Variants in CLASP2 observed in about 807,000 individuals in gnomAD.
CLASP2 encodes the protein cytoplasmic linker associated protein 2, also known as CLIP-associating protein 2.
Under a neutral mutation model 194.4 loss-of-function variants are expected in CLASP2, and 47 were observed. That is an observed-to-expected ratio of 0.24 (90% confidence interval 0.19 to 0.31). CLASP2 has a LOEUF of 0.31. Ranked by LOEUF, CLASP2 falls within the 10% of genes least tolerant of loss-of-function variation. CLASP2 has a pLI of 1.00. For synonymous variants in CLASP2, 619 were observed against 633.5 expected, an observed-to-expected ratio of 0.98 and a Z score of 0.34; for missense variants, 1,445 against 1,823.6, an observed-to-expected ratio of 0.79 and a Z score of 3.78.
intron 18 of CLASP2, among the ~76,000 whole-genome samples, chr3:33,601,299 C>T (rs904974254): frequency 6.6e-6 from 1 of 152,110 alleles, no homozygotes; most frequent in African/African-American, 2.4e-5. Flanking sequence ...ACAGTGGGCA[C>T]TACCCTTAAC....
intron 6 of CLASP2, among the ~76,000 whole-genome samples, chr3:33,679,958 T>A (rs2089507653): frequency 6.6e-6 from 1 of 152,186 alleles, no homozygotes; most frequent in Non-Finnish European, 1.5e-5. Context: ...TTGTTCATAA[T>A]TGCCAAAACT....
intron 21 of CLASP2, among the ~76,000 whole-genome samples, chr3:33,590,476 G>C (rs1408609589): frequency 6.6e-6 from 1 of 152,092 alleles, no homozygotes; most frequent in African/African-American, 2.4e-5. Context: ...GGTCTGGGCA[G>C]CACATATGGA....
chr3:33,557,279 C>T (rs1272204663), intron 29 of CLASP2, among the ~76,000 whole-genome samples: 1 of 152,154 alleles, frequency 6.6e-6, no homozygotes, highest in East Asian at 1.9e-4. Context: ...CAGCCTCACC[C>T]TTACTTCTTA....
intron 8 of CLASP2, 63 bp downstream of exon 8, chr3:33,644,694 G>A (rs1575195059): frequency 6.4e-7 from 1 of 1,560,196 alleles, no homozygotes; most frequent in Non-Finnish European, 8.8e-7. Context: ...GAAGTTCCAA[G>A]TATGTGTGGC....
chr3:33,539,346 T>A (rs1033618413), intron 32 of CLASP2, among the ~76,000 whole-genome samples: 13 of 152,202 alleles, frequency 8.5e-5, no homozygotes, highest in African/African-American at 3.1e-4. Flanking sequence ...TTTTTCTTTT[T>A]TTTTGGAGAC....
intron 1 of CLASP2, among the ~76,000 whole-genome samples, chr3:33,712,355 G>T (rs1048687832): frequency 3.3e-5 from 5 of 152,110 alleles, no homozygotes; most frequent in Admixed American, 2.6e-4. Context: ...GATTCAAGGG[G>T]AAGGTTGGGA....
intron 1 of CLASP2, among the ~76,000 whole-genome samples, chr3:33,708,506 G>GTATGTATA (rs2092819546): frequency 1.7e-5 from 1 of 58,520 alleles, no homozygotes; most frequent in Admixed American, 2.4e-4. Context: ...ATATATATAT[G>GTATGTATA]TATATATATG....
In CLASP2 at chr3:33,578,502, T is replaced by C. The variant is rs1010004790; in HGVS notation, c.2348-2227A>G. On this transcript the variant is annotated intron_variant, in intron 23 of 38. Coordinates refer to ENST00000682230, the MANE Select transcript of CLASP2 (RefSeq NM_001365631.1). ...TAGAGCAGTTAAAATACTTTTAACATGAGTCACTCTTTTGTTTGCTACAGG... is the reference window on the plus strand; with the variant it reads ...TAGAGCAGTTAAAATACTTTTAACACGAGTCACTCTTTTGTTTGCTACAGG... 2.2e-4 allele frequency among the ~76,000 whole-genome samples: 33 copies of C among 152,208 alleles called. 1 individual carries two copies. Among genetic ancestry groups the C allele is most frequent in the African/African-American group, 7.5e-4 (31 of 41,466 alleles).
chr3:33,530,600 C>T (rs2056050653), intron 34 of CLASP2, among the ~76,000 whole-genome samples: 2 of 152,084 alleles, frequency 1.3e-5, no homozygotes, highest in South Asian at 4.1e-4. Context: ...TTGTTTACAC[C>T]AGCATTATCA....
rs748204669 is a variant in CLASP2 at position 33,535,305 on chromosome 3, T to C, written c.3715A>G (p.Ser1239Gly). Residue 1239 changes from serine (S) to glycine (G), a missense_variant, in exon 34 of 39, where the codon AGC (serine) becomes GGC (glycine). Physicochemically the swap from Ser to Gly is moderately conservative, Grantham distance 56. Transcript: ENST00000682230. ...GCAGACTTGTTGAAGGGACTGATGC[T>C]ATCTGAATAGTTATATGGATTATAG... ...RDYNPYNYSD[S>G]ISPFNKSALK... 2 of 1,614,004 alleles carry C rather than the reference T, an allele frequency of 1.2e-6. No homozygotes were observed. The highest frequency in any genetic ancestry group is 3.3e-5 in the Admixed American group (2 of 60,022).
chr3:33,596,094 G>A (rs1167997830), intron 19 of CLASP2, among the ~76,000 whole-genome samples: 2 of 151,854 alleles, frequency 1.3e-5, no homozygotes, highest in East Asian at 3.9e-4. Flanking sequence ...GAAGTGAAGG[G>A]AAAGTGTGGA....
chr3:33,705,430 A>C (rs1252302288), intron 1 of CLASP2, among the ~76,000 whole-genome samples: 1 of 152,164 alleles, frequency 6.6e-6, no homozygotes, highest in Non-Finnish European at 1.5e-5. Flanking sequence ...AAAGGTAAAG[A>C]GTTCTTTTGG....
At chr3:33,628,441 G>C (rs1176010916) in intron 9 of CLASP2, among the ~76,000 whole-genome samples, 2 of 152,088 alleles carry the variant, frequency 1.3e-5, no homozygotes, top group African/African-American at 2.4e-5. Flanking sequence ...CTTCAGTGAG[G>C]GGGTACATAA....
chr3:33,687,515 G>A (rs2090832705), intron 4 of CLASP2, among the ~76,000 whole-genome samples: 1 of 152,068 alleles, frequency 6.6e-6, no homozygotes, highest in African/African-American at 2.4e-5. Context: ...GCATTCCAAT[G>A]AAATAAGTAA....
At position 33,571,015 on chromosome 3, in the gene CLASP2, A is replaced by ATTTTTTTTTT. The variant is rs1027731514; in HGVS notation, c.2700-235_2700-226dup. On this transcript the variant is annotated intron_variant, in intron 25 of 38. Transcript: ENST00000682230. Reference sequence around the variant, plus strand: ...AGATGGCAAGATCCTGTCTCTATAAATTTTTTTTTTTTTTTTTTGAGACGG... The same window carrying ATTTTTTTTTT: ...AGATGGCAAGATCCTGTCTCTATAAATTTTTTTTTTTTTTTTTTTTTTTTTTTTGAGACGG... 6.2e-4 allele frequency among the ~76,000 whole-genome samples: 77 copies of ATTTTTTTTTT among 123,912 alleles called. 1 individual carries two copies. The highest frequency in any genetic ancestry group is 1.5e-3 in the East Asian group (6 of 3,906). The allele number at this position is 123,912 out of a possible 152,430, so 81.3% of individuals were successfully genotyped here.
At chr3:33,605,598 A>G (rs1047530461) in intron 16 of CLASP2, among the ~76,000 whole-genome samples, 1 of 152,118 alleles carries the variant, frequency 6.6e-6, no homozygotes, top group African/African-American at 2.4e-5. Context: ...TGTGGTGGTC[A>G]AGATCCCAAA....
chr3:33,633,869 G>A (rs1307132850), intron 8 of CLASP2, among the ~76,000 whole-genome samples: 1 of 152,132 alleles, frequency 6.6e-6, no homozygotes, highest in Admixed American at 6.6e-5. Context: ...AAGACATAAA[G>A]AGATACAAAG....
At chr3:33,665,669 A>G (rs1320363416) in intron 6 of CLASP2, among the ~76,000 whole-genome samples, 1 of 152,228 alleles carries the variant, frequency 6.6e-6, no homozygotes, top group Non-Finnish European at 1.5e-5. Context: ...AAAATTTTAT[A>G]AAGGATAAGT....
rs183342072 is a variant in CLASP2, at chr3:33,601,105, C to T, written c.1924+1847G>A. The stretch of plus-strand genomic sequence containing the variant: ...TCCCGAGTAGCTGGGACTACAGGCG[C>T]TCGCCACCACGCCCGGCTAGTTTTT... On this transcript the variant is annotated intron_variant, in intron 18 of 38. Coordinates refer to ENST00000682230, the MANE Select transcript of CLASP2 (RefSeq NM_001365631.1). Among the ~76,000 whole-genome samples the T allele has an allele frequency of 8.3e-3, 1,264 of 152,002 alleles. 19 individuals are homozygous for T. Among genetic ancestry groups the T allele is most frequent in the African/African-American group, 0.028 (1,142 of 41,460 alleles).
Sources: allele counts gnomAD v4.1 joint callset (sites outside exome capture counted in the v4.1 genomes callset), GRCh38; gene constraint gnomAD v4.1.1; transcripts MANE v1.5; gene names NCBI Gene and HGNC (gene_info 2026-07-23, HGNC 2026-07-21).